The following TEKT3 variants were observed in gnomAD, a reference collection of about 807,000 sequenced individuals.
TEKT3 encodes the protein tektin-3.
Under a neutral mutation model 49.8 loss-of-function variants are expected in TEKT3, and 49 were observed. The observed-to-expected ratio is 0.98, with a 90% CI of 0.78 to 1.25. TEKT3 has a LOEUF of 1.25. TEKT3 is among the 50% of genes most tolerant of loss of function. TEKT3 has a pLI of 0.00. For missense variants in TEKT3, 595 were observed against 629.5 expected (o/e 0.95, Z 0.59); for synonymous variants, 225 against 237.2 (o/e 0.95, Z 0.47).
At chr17:15,316,726 A>T (rs1911029188) in intron 5 of TEKT3, among the ~76,000 whole-genome samples, 1 of 152,202 alleles carries the variant, frequency 6.6e-6, no homozygotes, top group Non-Finnish European at 1.5e-5. Context: ...AAAGTTATAA[A>T]CTAATGGTAA....
chr17:15,337,166 A>G (rs1912010920), intron 2 of TEKT3, among the ~76,000 whole-genome samples: 1 of 152,088 alleles, frequency 6.6e-6, no homozygotes, highest in African/African-American at 2.4e-5. Context: ...AATTTCTAGT[A>G]TAATAAATAC....
At chr17:15,328,591 G>GA (rs1449717248) in intron 3 of TEKT3, among the ~76,000 whole-genome samples, 1 of 152,106 alleles carries the variant, frequency 6.6e-6, no homozygotes, top group South Asian at 2.1e-4. Context: ...TCACTAAAGA[G>GA]AAAAAATATA....
At chr17:15,323,531 A>G (rs1037802625) in intron 4 of TEKT3, among the ~76,000 whole-genome samples, 11 of 152,268 alleles carry the variant, frequency 7.2e-5, no homozygotes, top group Admixed American at 7.2e-4. Flanking sequence ...TTTATCAATT[A>G]TCACCGACTG....
At position 15,304,142 on chromosome 17, in the gene TEKT3, C is replaced by G. The variant is rs767984825; in HGVS notation, c.1267G>C (p.Glu423Gln). The change falls in exon 9 of 9, where the codon GAG becomes CAG. Residue 423 changes from glutamate (E) to glutamine (Q), a missense_variant. Glu to Gln is a conservative substitution (Grantham distance 29). Transcript: ENST00000395930. This position sits in a 1 kb window ranked among gnomAD's most constrained non-coding sequence, Gnocchi z 4.7. ...RDMAQLRLVN[E>Q]VHEVDDTIQT... is the part of the protein sequence containing the mutation. ...ATGGTGTCGTCAACCTCGTGTACCT[C>G]GTTAACAAGGCTGCAGCATAAAGGA... is the stretch of plus-strand genomic sequence containing the variant. 1 of 1,614,084 alleles carries G rather than the reference C, an allele frequency of 6.2e-7. No individual in the cohort carries two copies. Among genetic ancestry groups the G allele is most frequent in the Non-Finnish European group, 8.5e-7 (1 of 1,180,018 alleles).
intron 2 of TEKT3, 23 bp from the exon 3 acceptor site, chr17:15,331,637 A>C: frequency 6.6e-7 from 1 of 1,506,042 alleles, no homozygotes; most frequent in Non-Finnish European, 9.0e-7. Context: ...AAAAAGTAAA[A>C]TAAGACAGTC....
At chr17:15,316,434 A>G (rs1911012368) in intron 5 of TEKT3, among the ~76,000 whole-genome samples, 1 of 151,806 alleles carries the variant, frequency 6.6e-6, no homozygotes, top group Admixed American at 6.6e-5. Flanking sequence ...ATATGCCTTG[A>G]GAGTGTGGAA....
At chr17:15,320,620 GT>G (rs1451216376) in intron 4 of TEKT3, among the ~76,000 whole-genome samples, 7 of 152,088 alleles carry the variant, frequency 4.6e-5, no homozygotes, top group African/African-American at 1.7e-4. Context: ...TATGTCTAGA[GT>G]GATCACCCTA....
chr17:15,312,374 A>C lies in TEKT3; in HGVS notation c.986T>G (p.Leu329Trp). The stretch of plus-strand genomic sequence containing the variant: ...CCACATCTCATTGGCAGTCACAACC[A>C]AGAGGTTTTCAATGTCGTCTCTTAG... ...AKLRDDIENLLVVTANEMWNQ... is the reference protein window; with the variant it reads ...AKLRDDIENLWVVTANEMWNQ... Residue 329 changes from leucine to tryptophan, a missense_variant, in exon 7 of 9, where the codon TTG (leucine) becomes TGG (tryptophan). Coordinates refer to ENST00000395930, the MANE Select transcript of TEKT3 (RefSeq NM_031898.3). 6.2e-7 allele frequency: 1 copy of C among 1,614,248 alleles called. No individual in the cohort carries two copies.
chr17:15,314,141 C>T lies in TEKT3; in HGVS notation c.824G>A (p.Arg275His), dbSNP rs749385914. The T allele has an allele frequency of 1.7e-5, 28 of 1,614,104 alleles. No individual in the cohort carries two copies. The highest frequency in any genetic ancestry group is 1.5e-4 in the African/African-American group (11 of 74,950). Residue 275 changes from arginine to histidine, a missense_variant, in exon 6 of 9, where the codon CGC (arginine) becomes CAC (histidine). Physicochemically the swap from Arg to His is conservative, Grantham distance 29. Transcript: ENST00000395930. ...GTAGCCGACACCGTCTGATGTGTTG[C>T]GCAGGTGGTGGCATTTGTCGTCGAT... ...YRIDDKCHHLRNTSDGVGYFR... is the reference protein window; with the variant it reads ...YRIDDKCHHLHNTSDGVGYFR...
chr17:15,333,791 G>T (rs953374939), intron 2 of TEKT3, among the ~76,000 whole-genome samples: 1 of 135,448 alleles, frequency 7.4e-6, no homozygotes, highest in Non-Finnish European at 1.7e-5. Flanking sequence ...ACAGAGTCTC[G>T]CTCTGTCGCC....
rs563011281 is a variant in TEKT3 at position 15,319,877 on chromosome 17, G to A, written c.664-730C>T. Among the ~76,000 whole-genome samples, 3 of 152,256 alleles carry A rather than the reference G, an allele frequency of 2.0e-5. No homozygotes were observed. The East Asian group carries it at 5.8e-4, about 29-fold the overall frequency. Reference sequence around the variant, plus strand: ...CATTATGTATGCACATTAGAAAAGTGCACATTGTTACTGTTATCATTTTCT... The same window carrying A: ...CATTATGTATGCACATTAGAAAAGTACACATTGTTACTGTTATCATTTTCT... On this transcript the variant is annotated intron_variant, in intron 4 of 8. Coordinates refer to ENST00000395930, the MANE Select transcript of TEKT3 (RefSeq NM_031898.3).
chr17:15,332,220 C>T (rs1286536399), intron 2 of TEKT3, among the ~76,000 whole-genome samples: 2 of 151,974 alleles, frequency 1.3e-5, no homozygotes, highest in East Asian at 1.9e-4. Context: ...AATAGATTTC[C>T]GTCTCAAACC....
At chr17:15,330,613 C>T (rs1416063742) in intron 3 of TEKT3, among the ~76,000 whole-genome samples, 1 of 152,174 alleles carries the variant, frequency 6.6e-6, no homozygotes, top group Non-Finnish European at 1.5e-5. Context: ...CATTATGCTT[C>T]CTGTACAGCC....
chr17:15,315,250 A>G (rs952600923), intron 5 of TEKT3, among the ~76,000 whole-genome samples: 1 of 152,234 alleles, frequency 6.6e-6, no homozygotes, highest in Non-Finnish European at 1.5e-5. Flanking sequence ...GAGGATGGCC[A>G]GAATAGGTTT....
At chr17:15,327,455 G>T (rs1911538714) in intron 4 of TEKT3, among the ~76,000 whole-genome samples, 1 of 151,926 alleles carries the variant, frequency 6.6e-6, no homozygotes. Flanking sequence ...GGCAGAGGTT[G>T]CAGTGAGCCG....
intron 6 of TEKT3, 109 bp from the exon 7 acceptor site, chr17:15,312,590 T>C (rs1280875442): frequency 2.3e-6 from 2 of 853,698 alleles, no homozygotes; most frequent in Non-Finnish European, 3.6e-6. Context: ...TCGCTGATCC[T>C]AGCTTCATTA....
At chr17:15,313,886 T>C (rs1185619795) in intron 6 of TEKT3, among the ~76,000 whole-genome samples, 1 of 152,228 alleles carries the variant, frequency 6.6e-6, no homozygotes, top group African/African-American at 2.4e-5. Flanking sequence ...AATATTACTT[T>C]ACAAAAGAAT....
chr17:15,327,361 CATAA>C (rs1000630009), intron 4 of TEKT3, among the ~76,000 whole-genome samples: 12 of 152,044 alleles, frequency 7.9e-5, no homozygotes, highest in African/African-American at 2.9e-4. Flanking sequence ...ACTAAAAATA[CATAA>C]ATTAGCCAGG....
intron 4 of TEKT3, among the ~76,000 whole-genome samples, chr17:15,323,608 A>C (rs1911359999): frequency 6.6e-6 from 1 of 152,226 alleles, no homozygotes; most frequent in East Asian, 1.9e-4. Context: ...ATGTTTTTCA[A>C]AGGTAGGTCT....
Sources: allele counts gnomAD v4.1 joint callset (sites outside exome capture counted in the v4.1 genomes callset), GRCh38; gene constraint gnomAD v4.1.1; non-coding constraint Gnocchi (gnomAD v3.1); transcripts MANE v1.5; gene names NCBI Gene and HGNC (gene_info 2026-07-23, HGNC 2026-07-21).